The following GSK3B variants were observed in gnomAD, a reference collection of about 807,000 sequenced individuals.
GSK3B encodes the protein glycogen synthase kinase-3 beta.
Under a neutral mutation model 56.4 loss-of-function variants are expected in GSK3B, and 15 were observed. The ratio of observed to expected loss-of-function variants is 0.27; its 90% CI spans 0.18 to 0.41. GSK3B has a LOEUF of 0.41. GSK3B is among the 10% of genes least tolerant of loss of function. The pLI is 1.00. For missense variants in GSK3B, 300 were observed against 513.4 expected (o/e 0.58, Z 4.02); for synonymous variants, 181 against 188.9 (o/e 0.96, Z 0.34).
At position 119,994,740 on chromosome 3, in the gene GSK3B, T is replaced by C. The variant is rs186925040; in HGVS notation, c.282+7306A>G. 4.3e-4 allele frequency among the ~76,000 whole-genome samples: 66 copies of C among 152,284 alleles called. No homozygotes were observed. The East Asian group carries it at 0.012, about 28-fold the overall frequency. On this transcript the variant is annotated intron_variant, in intron 2 of 10. Coordinates refer to ENST00000264235, the MANE Select transcript of GSK3B (RefSeq NM_001146156.2). ...GTCCTATACTGTTCAAAAACATGAA[T>C]GTCATGAAAGACAATAAGTGAGGAA...
intron 7 of GSK3B, among the ~76,000 whole-genome samples, chr3:119,890,240 CCATT>C: frequency 6.6e-6 from 1 of 152,034 alleles, no homozygotes; most frequent in East Asian, 1.9e-4. Flanking sequence ...AGTCAAATGT[CCATT>C]CATAGGTGAA....
chr3:119,906,996 C>A (rs540037275), intron 6 of GSK3B, among the ~76,000 whole-genome samples: 1 of 152,030 alleles, frequency 6.6e-6, no homozygotes, highest in Non-Finnish European at 1.5e-5. Context: ...GACATCTATT[C>A]TGCAAATATA....
intron 1 of GSK3B, among the ~76,000 whole-genome samples, chr3:120,072,002 G>T (rs1339463989): frequency 4.6e-5 from 7 of 152,226 alleles, no homozygotes; most frequent in African/African-American, 1.7e-4. Context: ...AGGAAAGGGA[G>T]AGAAAAGTTC....
intron 1 of GSK3B, among the ~76,000 whole-genome samples, chr3:120,005,611 G>C (rs1363940974): frequency 6.6e-6 from 1 of 152,158 alleles, no homozygotes; most frequent in African/African-American, 2.4e-5. Flanking sequence ...AGAGAGTAGG[G>C]GGAAAATATT....
chr3:120,018,661 A>G (rs1425729026), intron 1 of GSK3B, among the ~76,000 whole-genome samples: 1 of 152,238 alleles, frequency 6.6e-6, no homozygotes, highest in African/African-American at 2.4e-5. Context: ...AAATAAATCC[A>G]TAAAAATAAC....
At chr3:119,831,626 C>T (rs2055601281) in intron 10 of GSK3B, among the ~76,000 whole-genome samples, 1 of 149,206 alleles carries the variant, frequency 6.7e-6, no homozygotes, top group Non-Finnish European at 1.5e-5. Flanking sequence ...CACTGCACTC[C>T]AGCCTGGGCA....
intron 2 of GSK3B, among the ~76,000 whole-genome samples, chr3:120,001,555 C>A (rs1388293020): frequency 6.6e-6 from 1 of 152,016 alleles, no homozygotes; most frequent in African/African-American, 2.4e-5. Context: ...GAATTGTGAG[C>A]CAATTAAACC....
At chr3:119,960,879 T>C (rs1304831117) in intron 2 of GSK3B, among the ~76,000 whole-genome samples, 1 of 152,206 alleles carries the variant, frequency 6.6e-6, no homozygotes, top group African/African-American at 2.4e-5. Flanking sequence ...GTTTTGTTTA[T>C]TGTTGTATGT....
chr3:119,979,807 T>C (rs952002393), intron 2 of GSK3B, among the ~76,000 whole-genome samples: 1 of 152,178 alleles, frequency 6.6e-6, no homozygotes, highest in African/African-American at 2.4e-5. Context: ...AAATCCCATT[T>C]TGGGGAAAAA....
At chr3:119,919,649 A>G (rs1247551318) in intron 4 of GSK3B, among the ~76,000 whole-genome samples, 1 of 152,154 alleles carries the variant, frequency 6.6e-6, no homozygotes, top group Non-Finnish European at 1.5e-5. Context: ...TTCTTTTTTA[A>G]AATACAGGAT....
intron 8 of GSK3B, among the ~76,000 whole-genome samples, chr3:119,872,815 C>G (rs2056265012): frequency 6.6e-6 from 1 of 152,030 alleles, no homozygotes; most frequent in African/African-American, 2.4e-5. Context: ...AAGAAAAAAG[C>G]TGAGGCATAA....
At chr3:120,077,248 G>A (rs934456495) in intron 1 of GSK3B, among the ~76,000 whole-genome samples, 1 of 152,124 alleles carries the variant, frequency 6.6e-6, no homozygotes, top group Non-Finnish European at 1.5e-5. Context: ...ATTCACAACA[G>A]CCAACATATG....
chr3:120,091,445 A>G lies in GSK3B; in HGVS notation c.88+1902T>C, dbSNP rs190987534. Among the ~76,000 whole-genome samples, 5 of 152,346 alleles carry G rather than the reference A, an allele frequency of 3.3e-5. No individual in the cohort carries two copies. In the East Asian group the frequency reaches 7.7e-4, roughly 23 times the overall value. On this transcript the variant is annotated intron_variant, in intron 1 of 10. Coordinates refer to ENST00000264235, the MANE Select transcript of GSK3B (RefSeq NM_001146156.2). ...TACAAGAGTTACTCCATCCTTAGTT[A>G]GTATCTGTATTACCAAGAATTCAAG... is the stretch of plus-strand genomic sequence containing the variant.
chr3:119,880,423 A>C (rs1035170004), intron 7 of GSK3B, among the ~76,000 whole-genome samples: 19 of 152,096 alleles, frequency 1.2e-4, no homozygotes, highest in Admixed American at 6.5e-4. Flanking sequence ...CAGTCTGTTA[A>C]CTGTTTCCTT....
At chr3:119,995,437 C>T (rs1379465342) in intron 2 of GSK3B, among the ~76,000 whole-genome samples, 1 of 151,828 alleles carries the variant, frequency 6.6e-6, no homozygotes, top group African/African-American at 2.4e-5. Context: ...AAGTTCTTTA[C>T]AGTAATGGCA....
intron 1 of GSK3B, among the ~76,000 whole-genome samples, chr3:120,088,200 T>C (rs1356236386): frequency 1.3e-5 from 2 of 152,166 alleles, no homozygotes; most frequent in Non-Finnish European, 1.5e-5. Context: ...CGAACTAAAT[T>C]GTGTTTCTAA....
Position 119,863,454 on chromosome 3 carries a change from C to A in GSK3B, c.1061G>T (p.Arg354Leu). 1 of 1,613,906 alleles carries A rather than the reference C, an allele frequency of 6.2e-7. No individual in the cohort carries two copies. The highest frequency in any genetic ancestry group is 1.1e-5 in the South Asian group (1 of 91,060). The change falls in exon 9 of 11, where the codon CGA becomes CTA. Residue 354 changes from arginine to leucine, a missense_variant. Transcript: ENST00000264235. ...RDPNVKLPNG[R>L]DTPALFNFTT... ...GAAGTTGAAGAGTGCAGGTGTGTCT[C>A]GCCCATTTGGTAGTTTGACATTTGG...
At chr3:119,928,622 A>T (rs554844832) in intron 3 of GSK3B, among the ~76,000 whole-genome samples, 65 of 149,984 alleles carry the variant, frequency 4.3e-4, no homozygotes, top group East Asian at 1.7e-3. Context: ...TAAAAAAAAA[A>T]AAAAAAAAAA....
chr3:119,942,174 C>T lies in GSK3B; in HGVS notation c.366+5094G>A, dbSNP rs546020685. On this transcript the variant is annotated intron_variant, in intron 3 of 10. Transcript: ENST00000264235. ...TTTTTCGCTTTATTATTAAAGTAAT[C>T]TATGAACCACAAGGAAAAAAACTTT... 3.5e-3 allele frequency among the ~76,000 whole-genome samples: 538 copies of T among 152,212 alleles called. 3 individuals carry two copies. Among genetic ancestry groups the T allele is most frequent in the Non-Finnish European group, 4.8e-3 (329 of 68,018 alleles).
Sources: gnomAD v4.1 joint callset for allele counts (sites outside exome capture counted in the v4.1 genomes callset) on GRCh38, gnomAD v4.1.1 for gene constraint, MANE v1.5 for transcripts, NCBI Gene and HGNC (gene_info 2026-07-23, HGNC 2026-07-21) for gene names.